PRPH2: variants seen among roughly 807,000 people sequenced by gnomAD.
PRPH2 encodes the protein peripherin 2, also known as peripherin-2.
In PRPH2, 17 loss-of-function variants were observed where a neutral mutation model predicts 31.3. That is an observed-to-expected ratio of 0.54 (90% CI 0.37 to 0.81). The LOEUF (loss-of-function observed/expected upper bound fraction) is 0.81, where lower values mean the gene tolerates loss of function less well. Ranked by LOEUF, PRPH2 falls within the 40% of genes least tolerant of loss-of-function variation. PRPH2 has a pLI of 0.00. For synonymous variants in PRPH2, 165 were observed against 184.4 expected, an observed-to-expected ratio of 0.89 and a Z score of 0.85; for missense variants, 430 against 439.7, an observed-to-expected ratio of 0.98 and a Z score of 0.20.
intron 1 of PRPH2, among the ~76,000 whole-genome samples, chr6:42,706,893 C>A (rs1562425122): frequency 6.6e-6 from 1 of 151,008 alleles, no homozygotes; most frequent in African/African-American, 2.4e-5. Context: ...TTTTCCTGTT[C>A]TTTTTTTATT....
chr6:42,720,874 C>T (rs748079778), intron 1 of PRPH2, among the ~76,000 whole-genome samples: 1 of 152,196 alleles, frequency 6.6e-6, no homozygotes, highest in Non-Finnish European at 1.5e-5. Flanking sequence ...AAGAGCAGCC[C>T]GCTGGAGCCA....
At chr6:42,712,007 A>C (rs565847740) in intron 1 of PRPH2, 1 of 976,040 alleles carries the variant, frequency 1.0e-6, no homozygotes, top group Non-Finnish European at 1.2e-6. Context: ...GGTAAGATAC[A>C]CAGAGCGGCA....
intron 1 of PRPH2, among the ~76,000 whole-genome samples, chr6:42,709,263 G>A (rs934534677): frequency 1.6e-4 from 24 of 150,160 alleles, no homozygotes; most frequent in African/African-American, 4.9e-4. Context: ...CAGGGAGGTG[G>A]AGATTGCAGT....
chr6:42,722,100 C>T lies in PRPH2; in HGVS notation c.235G>A (p.Gly79Arg). Residue 79 changes from glycine to arginine, a missense_variant, in exon 1 of 3, where the codon GGG becomes AGG. Transcript: ENST00000230381. This position sits in a 1 kb window ranked among gnomAD's most constrained non-coding sequence, Gnocchi z 4.4. Reference sequence around the variant, plus strand: ...TCCAGGGCGTCGTAGCAGATCTTCCCAGCCAGCGAGTTGAAGACACAGGAT... The same window carrying T: ...TCCAGGGCGTCGTAGCAGATCTTCCTAGCCAGCGAGTTGAAGACACAGGAT... The part of the protein sequence containing the change: ...VLSCVFNSLA[G>R]KICYDALDPA... 1.2e-6 allele frequency: 2 copies of T among 1,614,174 alleles called. No individual in the cohort carries two copies. The highest frequency in any genetic ancestry group is 1.7e-6 in the Non-Finnish European group (2 of 1,180,030).
intron 1 of PRPH2, among the ~76,000 whole-genome samples, chr6:42,720,738 C>T (rs977994128): frequency 6.6e-6 from 1 of 152,178 alleles, no homozygotes; most frequent in Admixed American, 6.6e-5. Flanking sequence ...AATAACTGAA[C>T]CCCTAACCTC....
At chr6:42,699,452 G>C (rs1287748725) in intron 2 of PRPH2, among the ~76,000 whole-genome samples, 1 of 152,262 alleles carries the variant, frequency 6.6e-6, no homozygotes, top group East Asian at 1.9e-4. Flanking sequence ...TGGCAGACTT[G>C]GTGCCAAAAT....
chr6:42,716,260 C>CA (rs544179195), intron 1 of PRPH2, among the ~76,000 whole-genome samples: 32 of 151,080 alleles, frequency 2.1e-4, no homozygotes, highest in Non-Finnish European at 3.1e-4. Flanking sequence ...AGAGGGGAAA[C>CA]AAAAAAAAGG....
chr6:42,698,022 G>C lies in PRPH2; in HGVS notation c.*273C>G, dbSNP rs1799976756. The C allele has an allele frequency of 2.1e-6, 1 of 487,464 alleles. No individual in the cohort carries two copies. Among genetic ancestry groups the C allele is most frequent in the Admixed American group, 3.3e-5 (1 of 29,996 alleles). The allele number at this position is 487,464 out of a possible 1,614,324, so 30.2% of individuals were successfully genotyped here. ...GCTAGTCGTCTGAGACAGCCCCCGA[G>C]TCACCAGGAGGGCATATCCTAGGGC... On this transcript the variant is annotated 3_prime_UTR_variant, in exon 3 of 3. Coordinates refer to ENST00000230381, the MANE Select transcript of PRPH2 (RefSeq NM_000322.5).
In PRPH2 at chr6:42,698,245, T is replaced by C. The variant is rs2152003737; in HGVS notation, c.*50A>G. The C allele has an allele frequency of 6.2e-7, 1 of 1,608,956 alleles. No individual in the cohort carries two copies. ...TGGATGAGGGGGAGATCCACGTTTC[T>C]TGGAGTGCACTATTTCTCAGTGTTC... On this transcript the variant is annotated 3_prime_UTR_variant, in exon 3 of 3. Coordinates refer to ENST00000230381, the MANE Select transcript of PRPH2 (RefSeq NM_000322.5).
chr6:42,706,562 G>T (rs1407835992), intron 1 of PRPH2, among the ~76,000 whole-genome samples: 1 of 149,596 alleles, frequency 6.7e-6, no homozygotes, highest in African/African-American at 2.5e-5. Context: ...CCGAGATCAC[G>T]CCAGTGAGAC....
chr6:42,717,275 G>A (rs1331398020), intron 1 of PRPH2, among the ~76,000 whole-genome samples: 1 of 151,674 alleles, frequency 6.6e-6, no homozygotes, highest in Non-Finnish European at 1.5e-5. Context: ...AAATAAATAG[G>A]TGGACATGGT....
chr6:42,720,343 G>A (rs1051928306), intron 1 of PRPH2, among the ~76,000 whole-genome samples: 2 of 152,072 alleles, frequency 1.3e-5, no homozygotes, highest in African/African-American at 4.8e-5. Context: ...GCTCACAGAG[G>A]CTGGTTCTAC....
intron 1 of PRPH2, among the ~76,000 whole-genome samples, chr6:42,705,590 AAAAAAAAAAATATATATATAT>A (rs1800142799): frequency 8.4e-5 from 1 of 11,866 alleles, no homozygotes; most frequent in African/African-American, 3.5e-4. Context: ...AAAAAAAAAA[AAAAAAAAAAATATATATATAT>A]ATATATATAT....
chr6:42,701,682 ATTTT>A lies in PRPH2; in HGVS notation c.828+2679_828+2682del, dbSNP rs70990127. On this transcript the variant is annotated intron_variant, in intron 2 of 2. Coordinates refer to ENST00000230381, the MANE Select transcript of PRPH2 (RefSeq NM_000322.5). ...TAGGCATGCGCCACCACGTCCAGCA[ATTTT>A]TTTTTTTTTTTTTTTTTTTTTTTAG... Among the ~76,000 whole-genome samples the A allele has an allele frequency of 7.6e-5, 6 of 78,516 alleles. 1 individual carries two copies. The highest frequency in any genetic ancestry group is 1.4e-4 in the Non-Finnish European group (6 of 42,658). The allele number at this position is 78,516 out of a possible 152,430, so 51.5% of individuals were successfully genotyped here. A position where few individuals can be genotyped will look rare whatever the true frequency, so the allele number is the denominator to read the frequency against.
chr6:42,708,674 G>A (rs1371143217), intron 1 of PRPH2, among the ~76,000 whole-genome samples: 1 of 152,188 alleles, frequency 6.6e-6, no homozygotes, highest in South Asian at 2.1e-4. Context: ...GGCTGTCCCT[G>A]GAGCCTTCCC....
At chr6:42,712,927 TC>T (rs1761694857) in intron 1 of PRPH2, among the ~76,000 whole-genome samples, 1 of 151,772 alleles carries the variant, frequency 6.6e-6, no homozygotes, top group Admixed American at 6.6e-5. Context: ...TAAAAGAGCA[TC>T]AGTTGAGAAC....
intron 1 of PRPH2, among the ~76,000 whole-genome samples, chr6:42,705,579 AAAAAAAAAAAAAAAAAAAAAATATAT>A (rs1164679474): frequency 0.061 from 728 of 11,862 alleles, 26 homozygotes; most frequent in African/African-American, 0.13. Flanking sequence ...TTCTCTAAAA[AAAAAAAAAAAAAAAAAAAAAATATAT>A]ATATATATAT....
At chr6:42,716,147 G>C (rs1761773848) in intron 1 of PRPH2, among the ~76,000 whole-genome samples, 2 of 152,284 alleles carry the variant, frequency 1.3e-5, no homozygotes, top group East Asian at 1.9e-4. Flanking sequence ...CCCATGCTCA[G>C]ACCAGCTCAT....
chr6:42,704,016 C>T (rs777219134), intron 2 of PRPH2, among the ~76,000 whole-genome samples: 2 of 151,858 alleles, frequency 1.3e-5, no homozygotes, highest in Non-Finnish European at 2.9e-5. Flanking sequence ...AGAAGGATCC[C>T]TTGAACCCAG....
Sources: gnomAD v4.1 joint callset for allele counts (sites outside exome capture counted in the v4.1 genomes callset) on GRCh38, gnomAD v4.1.1 for gene constraint, Gnocchi (gnomAD v3.1) non-coding constraint, MANE v1.5 for transcripts, NCBI Gene and HGNC (gene_info 2026-07-23, HGNC 2026-07-21) for gene names.